Variants in BNIP5 observed in about 807,000 individuals in gnomAD.
BNIP5 encodes BCL2 interacting protein 5, also known as protein BNIP5.
Under a neutral mutation model 67.3 loss-of-function variants are expected in BNIP5, and 61 were observed. The observed-to-expected ratio is 0.91, with a 90% CI of 0.74 to 1.12. The LOEUF is 1.12. Ranked by LOEUF, BNIP5 falls within the 50% of genes most tolerant of loss-of-function variation. The pLI is 0.00. For synonymous variants in BNIP5, 317 were observed against 319.0 expected (o/e 0.99, Z 0.07); for missense variants, 826 against 816.3 (o/e 1.01, Z -0.14).
Position 36,326,823 on chromosome 6 carries a change from T to C in BNIP5, c.793-70A>G, listed in dbSNP as rs892818907. 82 of 1,597,786 alleles carry C rather than the reference T, an allele frequency of 5.1e-5. No individual in the cohort carries two copies. In the South Asian group the frequency reaches 5.6e-4, roughly 11 times the overall value. Reference sequence around the variant, plus strand: ...AGGGGGAAAGCTCTCTGGAGGCAAGTGAAGAGCAGCCAAGCTGCAAGATGG... The same window carrying C: ...AGGGGGAAAGCTCTCTGGAGGCAAGCGAAGAGCAGCCAAGCTGCAAGATGG... On this transcript the variant is annotated intron_variant, in intron 4 of 11. Coordinates refer to ENST00000437635, the MANE Select transcript of BNIP5 (RefSeq NM_001010903.5).
chr6:36,319,265 G>T (rs1405303530), intron 11 of BNIP5, 91 bp downstream of exon 11: 3 of 1,490,254 alleles, frequency 2.0e-6, no homozygotes, highest in Non-Finnish European at 2.8e-6. Flanking sequence ...CAGGGGAGGG[G>T]AGAGGAGGAT....
Position 36,318,203 on chromosome 6 carries a change from C to T in BNIP5, c.1924-812G>A, listed in dbSNP as rs376353276. Among the ~76,000 whole-genome samples the T allele has an allele frequency of 1.5e-4, 23 of 152,282 alleles. No individual in the cohort carries two copies. The South Asian group carries it at 4.6e-3, about 30-fold the overall frequency. On this transcript the variant is annotated intron_variant, in intron 11 of 11. Coordinates refer to ENST00000437635, the MANE Select transcript of BNIP5 (RefSeq NM_001010903.5). The stretch of plus-strand genomic sequence containing the variant: ...TAGTAGCATCATTGCAAAAGGTTTC[C>T]CAGGGGACCACTTGGATGTAGAAGT...
At chr6:36,329,750 G>A (rs1771841731) in intron 2 of BNIP5, among the ~76,000 whole-genome samples, 1 of 152,096 alleles carries the variant, frequency 6.6e-6, no homozygotes, top group African/African-American at 2.4e-5. Context: ...GGAGGAGCTT[G>A]CAGTGAGCCA....
At chr6:36,328,744 G>T in intron 2 of BNIP5, 30 bp from the exon 3 acceptor site, 1 of 1,344,524 alleles carries the variant, frequency 7.4e-7, no homozygotes, top group Non-Finnish European at 1.1e-6. Flanking sequence ...AAACGGGTAT[G>T]TAGGTGTGTA....
chr6:36,319,130 T>C (rs909332590), intron 11 of BNIP5, among the ~76,000 whole-genome samples: 3 of 151,978 alleles, frequency 2.0e-5, no homozygotes, highest in African/African-American at 7.3e-5. Flanking sequence ...ATAAACAAGA[T>C]GTTAATTATG....
rs1375123309 is a variant in BNIP5 at position 36,326,574 on chromosome 6, G to A, written c.972C>T (p.Pro324=). The change falls in exon 5 of 12, where the codon CCC becomes CCT. Residue 324 remains proline (P), a synonymous_variant. Coordinates refer to ENST00000437635, the MANE Select transcript of BNIP5 (RefSeq NM_001010903.5). The part of the protein sequence containing the change: ...ADVSSPEAWP[P]KKSSFLPLCV... Reference sequence around the variant, plus strand: ...ACAGGGGCAGAAAGCTGGACTTCTTGGGTGGCCAGGCCTCTGGACTGGAAA... The same window carrying A: ...ACAGGGGCAGAAAGCTGGACTTCTTAGGTGGCCAGGCCTCTGGACTGGAAA... 5 of 1,614,130 alleles carry A rather than the reference G, an allele frequency of 3.1e-6. No homozygotes were observed. The highest frequency in any genetic ancestry group is 4.2e-6 in the Non-Finnish European group (5 of 1,180,052).
intron 1 of BNIP5, among the ~76,000 whole-genome samples, chr6:36,333,335 T>A (rs115679056): frequency 0.024 from 3,599 of 152,338 alleles, 63 homozygotes; most frequent in Middle Eastern, 0.058. Context: ...TGTTGTTTAA[T>A]GTTCCTTAAA....
rs375650887 is a variant in BNIP5 at position 36,328,578 on chromosome 6, C to G, written c.727+20G>C. 2.1e-5 allele frequency: 31 copies of G among 1,493,550 alleles called. No homozygotes were observed. Among genetic ancestry groups the G allele is most frequent in the Middle Eastern group, 1.7e-4 (1 of 5,784 alleles). 92.5% of individuals were successfully genotyped at this position (1,493,550 alleles called of 1,614,324 possible). A position where few individuals can be genotyped will look rare whatever the true frequency, so the allele number is the denominator to read the frequency against. ...CCACCTCAGCCACAGGCAAAAAGGTCACTAGAGATTCCGACTCACGGTCAG... is the reference window on the plus strand; with the variant it reads ...CCACCTCAGCCACAGGCAAAAAGGTGACTAGAGATTCCGACTCACGGTCAG... On this transcript the variant is annotated intron_variant, in intron 3 of 11. Coordinates refer to ENST00000437635, the MANE Select transcript of BNIP5 (RefSeq NM_001010903.5).
chr6:36,320,959 A>G (rs1016705628), intron 10 of BNIP5, among the ~76,000 whole-genome samples, 196 bp downstream of exon 10: 1 of 152,212 alleles, frequency 6.6e-6, no homozygotes, highest in Non-Finnish European at 1.5e-5. Flanking sequence ...CATCTGCTAC[A>G]TGTCTGGCGT....
intron 9 of BNIP5, 120 bp from the exon 10 acceptor site, chr6:36,321,339 T>G (rs1404368948): frequency 9.5e-6 from 7 of 735,884 alleles, no homozygotes; most frequent in African/African-American, 1.7e-5. Flanking sequence ...TCTCTAAAAC[T>G]CAGCACACAC....
intron 6 of BNIP5, 99 bp downstream of exon 6, chr6:36,325,184 A>G (rs1274283555): frequency 2.2e-6 from 3 of 1,334,726 alleles, no homozygotes; most frequent in Non-Finnish European, 3.2e-6. Context: ...AGGTCTGGAC[A>G]GGTCACTGCC....
intron 8 of BNIP5, 73 bp downstream of exon 8, chr6:36,323,220 C>G (rs1214857238): frequency 1.9e-6 from 3 of 1,588,050 alleles, no homozygotes; most frequent in Non-Finnish European, 2.6e-6. Context: ...AGCCTGTCAA[C>G]GACAGACAGG....
chr6:36,328,830 G>T (rs185131393), intron 2 of BNIP5, 116 bp from the exon 3 acceptor site: 2 of 735,926 alleles, frequency 2.7e-6, no homozygotes, highest in East Asian at 5.0e-5. Flanking sequence ...CAGTGCAACA[G>T]GTGCTGCTGC....
rs773649512 is a variant in BNIP5 at position 36,316,169 on chromosome 6, C to T, written c.*1187G>A. 4.4e-5 allele frequency: 9 copies of T among 206,706 alleles called. No homozygotes were observed. The highest frequency in any genetic ancestry group is 1.4e-4 in the African/African-American group (6 of 43,664). The allele number at this position is 206,706 out of a possible 1,614,324, so 12.8% of individuals were successfully genotyped here. ...CCATGGTGCGACAGCAGGTTCAACA[C>T]GGCAATACCATGTCCCCAAGGGTCA... On this transcript the variant is annotated 3_prime_UTR_variant, in exon 12 of 12. Coordinates refer to ENST00000437635, the MANE Select transcript of BNIP5 (RefSeq NM_001010903.5).
chr6:36,316,945 A>G lies in BNIP5; in HGVS notation c.*411T>C, dbSNP rs1771527824. The G allele has an allele frequency of 1.2e-5, 5 of 425,272 alleles. No individual in the cohort carries two copies. Among genetic ancestry groups the G allele is most frequent in the Non-Finnish European group, 8.3e-6 (2 of 242,088 alleles). The allele number at this position is 425,272 out of a possible 1,614,324, so 26.3% of individuals were successfully genotyped here. ...GGATGCATGTGGATGTTCTGTTTAG[A>G]GATTAAATAAAAATTTAGTTTAAAA... On this transcript the variant is annotated 3_prime_UTR_variant, in exon 12 of 12. Transcript: ENST00000437635.
chr6:36,322,512 G>A (rs1771659494), intron 8 of BNIP5, 70 bp from the exon 9 acceptor site: 43 of 1,524,856 alleles, frequency 2.8e-5, no homozygotes, highest in Non-Finnish European at 3.4e-5. Flanking sequence ...GAAGCTGTTC[G>A]GAGGCACAGG....
At chr6:36,321,885 G>T (rs1315365943) in intron 9 of BNIP5, among the ~76,000 whole-genome samples, 1 of 152,154 alleles carries the variant, frequency 6.6e-6, no homozygotes, top group Admixed American at 6.5e-5. Flanking sequence ...TTCATTTGTG[G>T]ACTAGTTGTT....
In BNIP5 at chr6:36,322,358, C is replaced by T. The variant is rs1257375325; in HGVS notation, c.1556G>A (p.Gly519Asp). The change falls in exon 9 of 12, where the codon GGC becomes GAC. Residue 519 changes from glycine to aspartate, a missense_variant. Physicochemically the swap from Gly to Asp is moderately conservative, Grantham distance 94. Coordinates refer to ENST00000437635, the MANE Select transcript of BNIP5 (RefSeq NM_001010903.5). Reference protein sequence around the residue: ...VISEAPSQARGHTPEGAPQLS... With the variant: ...VISEAPSQARDHTPEGAPQLS... ...CTGAGGTGCCCCTTCTGGCGTGTGGCCTCTAGCCTGGGAGGGTGCTTCTGA... is the reference window on the plus strand; with the variant it reads ...CTGAGGTGCCCCTTCTGGCGTGTGGTCTCTAGCCTGGGAGGGTGCTTCTGA... 1 of 1,614,164 alleles carries T rather than the reference C, an allele frequency of 6.2e-7. No individual in the cohort carries two copies. Among genetic ancestry groups the T allele is most frequent in the East Asian group, 2.2e-5 (1 of 44,884 alleles).
rs1771833691 is a variant in BNIP5 at position 36,329,381 on chromosome 6, A to G, written c.611-667T>C. On this transcript the variant is annotated intron_variant, in intron 2 of 11. Coordinates refer to ENST00000437635, the MANE Select transcript of BNIP5 (RefSeq NM_001010903.5). ...TCCATGAGACAGTAACGTTATATTTATCTTCATTTTATCCATGAAAAAAGT... is the reference window on the plus strand; with the variant it reads ...TCCATGAGACAGTAACGTTATATTTGTCTTCATTTTATCCATGAAAAAAGT... Among the ~76,000 whole-genome samples, 4 of 152,288 alleles carry G rather than the reference A, an allele frequency of 2.6e-5. No individual in the cohort carries two copies. The South Asian group carries it at 8.3e-4, about 32-fold the overall frequency.
Sources: allele counts gnomAD v4.1 joint callset (sites outside exome capture counted in the v4.1 genomes callset), GRCh38; gene constraint gnomAD v4.1.1; transcripts MANE v1.5; gene names NCBI Gene and HGNC (gene_info 2026-07-23, HGNC 2026-07-21).